VAC14: variants seen among roughly 807,000 people sequenced by gnomAD.
VAC14 encodes VAC14 component of PIKFYVE complex.
In VAC14, 47 loss-of-function variants were observed where a neutral mutation model predicts 85.3. The ratio of observed to expected loss-of-function variants is 0.55; its 90% CI spans 0.44 to 0.70. The LOEUF (loss-of-function observed/expected upper bound fraction) is 0.70, where lower values mean the gene tolerates loss of function less well. Ranked by LOEUF, VAC14 falls within the 30% of genes least tolerant of loss-of-function variation. The probability of loss-of-function intolerance (pLI) is 0.00; values close to 1 mark genes in which losing one functional copy is unlikely to be tolerated. For synonymous variants in VAC14, 447 were observed against 430.5 expected, an observed-to-expected ratio of 1.04 and a Z score of -0.47; for missense variants, 861 against 1,004.3, an observed-to-expected ratio of 0.86 and a Z score of 1.93.
Position 70,772,279 on chromosome 16 carries a change from G to C in VAC14, c.1097-107C>G, listed in dbSNP as rs79195835. On this transcript the variant is annotated intron_variant, in intron 9 of 18. Coordinates refer to ENST00000261776, the MANE Select transcript of VAC14 (RefSeq NM_018052.5). ...AGAACTCTCCAGAGCCCCATACCTT[G>C]ATTCAGGCTCTTCAAAAGGACCATG... 6.2e-5 allele frequency: 58 copies of C among 935,372 alleles called. No homozygotes were observed. In the East Asian group the frequency reaches 1.4e-3, roughly 23 times the overall value. 57.9% of individuals were successfully genotyped at this position (935,372 alleles called of 1,614,324 possible).
chr16:70,788,154 C>A (rs1255307679), intron 1 of VAC14, among the ~76,000 whole-genome samples: 2 of 152,198 alleles, frequency 1.3e-5, no homozygotes, highest in Non-Finnish European at 2.9e-5. Flanking sequence ...TGTGTGGTTC[C>A]AGCTCAGGAG....
At position 70,787,916 on chromosome 16, in the gene VAC14, CTTGTGAAAT is replaced by C. The variant is rs2034144727; in HGVS notation, c.105-1560_105-1552del. ...GACTGTCTTAAGGAGCCTGGAGATG[CTTGTGAAAT>C]GAGGACAGGAAGCGTGAGGGATGAC... is the stretch of plus-strand genomic sequence containing the variant. On this transcript the variant is annotated intron_variant, in intron 1 of 18. Coordinates refer to ENST00000261776, the MANE Select transcript of VAC14 (RefSeq NM_018052.5). 2.6e-5 allele frequency among the ~76,000 whole-genome samples: 4 copies of C among 152,152 alleles called. No homozygotes were observed. The South Asian group carries it at 8.3e-4, about 32-fold the overall frequency.
chr16:70,703,038 C>T (rs906918498), intron 14 of VAC14, among the ~76,000 whole-genome samples: 1 of 152,236 alleles, frequency 6.6e-6, no homozygotes, highest in African/African-American at 2.4e-5. Context: ...AACCTGAGTT[C>T]TTCCTCACCA....
chr16:70,765,514 A>G (rs2032740100), intron 10 of VAC14, among the ~76,000 whole-genome samples: 1 of 152,212 alleles, frequency 6.6e-6, no homozygotes, highest in Non-Finnish European at 1.5e-5. Flanking sequence ...TATGGCCTAA[A>G]GCATGCCACT....
chr16:70,718,917 G>A (rs537143409), intron 14 of VAC14, among the ~76,000 whole-genome samples: 62 of 152,176 alleles, frequency 4.1e-4, no homozygotes, highest in Non-Finnish European at 6.8e-4. Flanking sequence ...CAGAGATCTT[G>A]CTGACCCTGG....
chr16:70,763,543 G>A (rs2032575965), intron 10 of VAC14, among the ~76,000 whole-genome samples: 1 of 152,228 alleles, frequency 6.6e-6, no homozygotes, highest in Admixed American at 6.5e-5. Context: ...GCCATCTGAA[G>A]GATGTTTCTC....
Position 70,800,772 on chromosome 16 carries a change from A to G in VAC14, c.104+25T>C, listed in dbSNP as rs112856498. Reference sequence around the variant, plus strand: ...CAGAGCAGTCAGGGGCTGCATAGCCAGGGAGGGGTCCTGGCGGCTCTTACT... The same window carrying G: ...CAGAGCAGTCAGGGGCTGCATAGCCGGGGAGGGGTCCTGGCGGCTCTTACT... On this transcript the variant is annotated intron_variant, in intron 1 of 18. Transcript: ENST00000261776. 23 of 1,600,460 alleles carry G rather than the reference A, an allele frequency of 1.4e-5. No individual in the cohort carries two copies. The African/African-American group carries it at 1.8e-4, about 12-fold the overall frequency.
chr16:70,722,305 C>T lies in VAC14; in HGVS notation c.1661+9190G>A, dbSNP rs117758055. On this transcript the variant is annotated intron_variant, in intron 14 of 18. Coordinates refer to ENST00000261776, the MANE Select transcript of VAC14 (RefSeq NM_018052.5). ...GCAGGGTGGCGAGTGCCATCTGAGG[C>T]GGAATTCTGTGCCATGGGTCCCCCA... Among the ~76,000 whole-genome samples the T allele has an allele frequency of 1.1e-3, 172 of 152,336 alleles. 1 individual carries two copies. The East Asian group carries it at 0.029, about 25-fold the overall frequency.
At chr16:70,795,296 C>G (rs2034497551) in intron 1 of VAC14, among the ~76,000 whole-genome samples, 1 of 151,940 alleles carries the variant, frequency 6.6e-6, no homozygotes, top group African/African-American at 2.4e-5. Context: ...GAAACCCGAT[C>G]TCTACTAAAA....
chr16:70,783,069 T>A lies in VAC14; in HGVS notation c.775A>T (p.Met259Leu). 6.2e-7 allele frequency: 1 copy of A among 1,614,196 alleles called. No individual in the cohort carries two copies. ...KNPSSVKFAE[M>L]ANILVIHCQT... ...CAGTGGATCACCAGGATGTTGGCCA[T>A]CTCAGCAAACTTCACACTGGAGGGG... The change falls in exon 7 of 19, where the codon ATG becomes TTG. Residue 259 changes from methionine to leucine, a missense_variant. Met to Leu is a conservative substitution (Grantham distance 15, BLOSUM62 2). Around this residue, in one of 3 missense-constraint regions of VAC14, gnomAD observed 629 missense variants for 703.1 expected, o/e 0.89. Coordinates refer to ENST00000261776, the MANE Select transcript of VAC14 (RefSeq NM_018052.5).
intron 13 of VAC14, among the ~76,000 whole-genome samples, chr16:70,740,250 C>A (rs768759584): frequency 6.6e-6 from 1 of 152,204 alleles, no homozygotes; most frequent in African/African-American, 2.4e-5. Context: ...AGTGAGCCAA[C>A]GTGGCTTACG....
rs574942611 is a variant in VAC14, at chr16:70,695,905, G to C, written c.1956-282C>G. 2.2e-4 allele frequency: 67 copies of C among 310,538 alleles called. No individual in the cohort carries two copies. The South Asian group carries it at 2.8e-3, about 13-fold the overall frequency. The allele number at this position is 310,538 out of a possible 1,614,324, so 19.2% of individuals were successfully genotyped here. A position where few individuals can be genotyped will look rare whatever the true frequency, so the allele number is the denominator to read the frequency against. ...CTTATCACAGCGCTGCAGCCCGTTGGGGGAGGGCTGGGCAGGAAGGGTTCT... is the reference window on the plus strand; with the variant it reads ...CTTATCACAGCGCTGCAGCCCGTTGCGGGAGGGCTGGGCAGGAAGGGTTCT... On this transcript the variant is annotated intron_variant, in intron 16 of 18. Coordinates refer to ENST00000261776, the MANE Select transcript of VAC14 (RefSeq NM_018052.5).
chr16:70,706,502 G>A (rs1299752511), intron 14 of VAC14, among the ~76,000 whole-genome samples: 1 of 152,168 alleles, frequency 6.6e-6, no homozygotes, highest in Admixed American at 6.5e-5. Flanking sequence ...ATGCACAGAG[G>A]GGCGAGCCCT....
intron 1 of VAC14, among the ~76,000 whole-genome samples, chr16:70,789,245 A>G (rs1040284277): frequency 3.9e-5 from 6 of 151,974 alleles, no homozygotes; most frequent in African/African-American, 1.5e-4. Context: ...AAGCCCCCCA[A>G]AGTTTTAATA....
chr16:70,695,474 G>A, intron 17 of VAC14, 70 bp downstream of exon 17: 1 of 1,527,016 alleles, frequency 6.5e-7, no homozygotes, highest in Non-Finnish European at 9.0e-7. Context: ...ACTGGAGCTT[G>A]ACTTCACCCA....
chr16:70,758,162 A>T (rs1212398593), intron 12 of VAC14, among the ~76,000 whole-genome samples: 1 of 152,244 alleles, frequency 6.6e-6, no homozygotes, highest in East Asian at 1.9e-4. Context: ...ACTGAGAAAG[A>T]GCCTGGCTCC....
intron 12 of VAC14, among the ~76,000 whole-genome samples, chr16:70,758,060 T>G (rs1359295565): frequency 6.6e-6 from 1 of 152,076 alleles, no homozygotes; most frequent in East Asian, 1.9e-4. Context: ...ACATCAAAAT[T>G]ACAAAACACT....
chr16:70,745,732 C>T (rs902326389), intron 12 of VAC14, among the ~76,000 whole-genome samples: 2 of 152,210 alleles, frequency 1.3e-5, no homozygotes, highest in African/African-American at 2.4e-5. Context: ...TCCCTGCGCC[C>T]AGCAGATGCC....
At chr16:70,765,020 T>C (rs1000355131) in intron 10 of VAC14, among the ~76,000 whole-genome samples, 2 of 152,222 alleles carry the variant, frequency 1.3e-5, no homozygotes, top group African/African-American at 2.4e-5. Context: ...GAGAAGCTCA[T>C]GTCCTGGTGG....
Sources: allele counts gnomAD v4.1 joint callset (sites outside exome capture counted in the v4.1 genomes callset), GRCh38; gene constraint gnomAD v4.1.1; regional missense constraint gnomAD v4.1.1; transcripts MANE v1.5; gene names NCBI Gene and HGNC (gene_info 2026-07-23, HGNC 2026-07-21).